Variants in CNTN5 observed in about 807,000 individuals in gnomAD.
CNTN5 encodes contactin-5.
Under a neutral mutation model 129.1 loss-of-function variants are expected in CNTN5, and 77 were observed. The observed-to-expected ratio is 0.60, with a 90% CI of 0.50 to 0.72. The LOEUF (loss-of-function observed/expected upper bound fraction) is 0.72, where lower values mean the gene tolerates loss of function less well. Ranked by LOEUF, CNTN5 falls within the 30% of genes least tolerant of loss-of-function variation. The pLI is 0.00. For missense variants in CNTN5, 1,478 were observed against 1,328.8 expected, an observed-to-expected ratio of 1.11 and a Z score of -1.75; for synonymous variants, 509 against 465.6, an observed-to-expected ratio of 1.09 and a Z score of -1.20.
chr11:99,520,060 G>A (rs770355051), intron 2 of CNTN5, among the ~76,000 whole-genome samples: 13 of 151,974 alleles, frequency 8.6e-5, no homozygotes, highest in Non-Finnish European at 1.8e-4. Flanking sequence ...TTTTTATATA[G>A]CATTTATTTT....
intron 1 of CNTN5, among the ~76,000 whole-genome samples, chr11:99,196,487 T>C (rs888871907): frequency 6.6e-6 from 1 of 152,016 alleles, no homozygotes; most frequent in Non-Finnish European, 1.5e-5. Flanking sequence ...TGAAATTTTG[T>C]CAAAATCATT....
intron 1 of CNTN5, among the ~76,000 whole-genome samples, chr11:99,252,131 A>G (rs1470884678): frequency 6.6e-6 from 1 of 151,890 alleles, no homozygotes; most frequent in Non-Finnish European, 1.5e-5. Flanking sequence ...TACTTTTGTT[A>G]CCTTGCACTT....
intron 9 of CNTN5, among the ~76,000 whole-genome samples, chr11:100,044,839 A>T (rs950718799): frequency 1.3e-5 from 2 of 152,100 alleles, no homozygotes; most frequent in Admixed American, 6.6e-5. Context: ...ACAGGTCCAG[A>T]GACCTGTATT....
chr11:99,908,084 C>T (rs193174018), intron 6 of CNTN5, among the ~76,000 whole-genome samples: 76 of 152,082 alleles, frequency 5.0e-4, no homozygotes, highest in African/African-American at 1.7e-3. Flanking sequence ...GAAAAACTAT[C>T]TTGCTTCAGG....
At chr11:99,210,024 C>T (rs1423681968) in intron 1 of CNTN5, among the ~76,000 whole-genome samples, 4 of 152,106 alleles carry the variant, frequency 2.6e-5, no homozygotes, top group Non-Finnish European at 5.9e-5. Flanking sequence ...AAGCCTATAG[C>T]TCCATAGTCA....
At chr11:99,333,403 T>C (rs1214541157) in intron 2 of CNTN5, among the ~76,000 whole-genome samples, 3 of 152,018 alleles carry the variant, frequency 2.0e-5, no homozygotes, top group Non-Finnish European at 4.4e-5. Context: ...TTCTTTTTGC[T>C]TTATAGAATG....
At chr11:99,567,157 T>C (rs1949031895) in intron 3 of CNTN5, among the ~76,000 whole-genome samples, 2 of 152,156 alleles carry the variant, frequency 1.3e-5, no homozygotes, top group Admixed American at 6.6e-5. Flanking sequence ...TGTTACCTAG[T>C]AGGAGAATAA....
At chr11:100,190,366 A>G (rs1441384847) in intron 13 of CNTN5, among the ~76,000 whole-genome samples, 1 of 152,160 alleles carries the variant, frequency 6.6e-6, no homozygotes, top group East Asian at 1.9e-4. Context: ...GAAAAGGACA[A>G]AAGTACTAAT....
intron 2 of CNTN5, among the ~76,000 whole-genome samples, chr11:99,365,201 C>G (rs547057409): frequency 6.6e-6 from 1 of 152,228 alleles, no homozygotes; most frequent in South Asian, 2.1e-4. Flanking sequence ...AATCTCAATT[C>G]CTTTTCCCAT....
chr11:100,316,760 C>T (rs1221623963), intron 21 of CNTN5, among the ~76,000 whole-genome samples: 1 of 152,118 alleles, frequency 6.6e-6, no homozygotes, highest in Non-Finnish European at 1.5e-5. Flanking sequence ...TCATTCATCC[C>T]TTCTTGTAAG....
chr11:100,049,144 AT>A (rs1942834333), intron 9 of CNTN5, among the ~76,000 whole-genome samples: 1 of 152,152 alleles, frequency 6.6e-6, no homozygotes, highest in Non-Finnish European at 1.5e-5. Flanking sequence ...TTTTTTTAAA[AT>A]ATATGTGTAC....
At chr11:100,213,402 G>A (rs766928500) in intron 15 of CNTN5, among the ~76,000 whole-genome samples, 12 of 152,254 alleles carry the variant, frequency 7.9e-5, no homozygotes, top group Admixed American at 2.0e-4. Flanking sequence ...ACTGGAAGCT[G>A]TATTATACAG....
intron 3 of CNTN5, among the ~76,000 whole-genome samples, chr11:99,797,816 G>A (rs1387081798): frequency 2.6e-5 from 4 of 151,740 alleles, no homozygotes; most frequent in African/African-American, 4.8e-5. Context: ...GTTGGAATAG[G>A]ATTTTTTAAA....
At chr11:99,922,026 A>C (rs947349037) in intron 7 of CNTN5, among the ~76,000 whole-genome samples, 3 of 152,198 alleles carry the variant, frequency 2.0e-5, no homozygotes, top group Non-Finnish European at 4.4e-5. Context: ...AACAGAATAT[A>C]TTAGTCCATT....
intron 3 of CNTN5, among the ~76,000 whole-genome samples, chr11:99,621,200 C>G (rs1050868674): frequency 1.3e-5 from 2 of 151,994 alleles, no homozygotes; most frequent in African/African-American, 4.8e-5. Context: ...AAAGACTACC[C>G]AAAAGCATTG....
chr11:100,163,398 T>G (rs1947522816), intron 13 of CNTN5, among the ~76,000 whole-genome samples: 1 of 151,850 alleles, frequency 6.6e-6, no homozygotes, highest in South Asian at 2.1e-4. Context: ...GTCTAATGAA[T>G]GTTTTGTATA....
intron 1 of CNTN5, among the ~76,000 whole-genome samples, chr11:99,056,457 A>G (rs1864628596): frequency 1.3e-5 from 2 of 152,040 alleles, no homozygotes; most frequent in Non-Finnish European, 2.9e-5. Context: ...AGCCATGTAC[A>G]TATCAATAGA....
At chr11:99,336,837 G>GA (rs1009472992) in intron 2 of CNTN5, among the ~76,000 whole-genome samples, 17 of 147,034 alleles carry the variant, frequency 1.2e-4, no homozygotes, top group South Asian at 2.2e-4. Context: ...CAAAAAAAAA[G>GA]AAAAAAAAAG....
intron 12 of CNTN5, 137 bp from the exon 13 acceptor site, chr11:100,074,007 C>A: frequency 1.4e-6 from 1 of 708,130 alleles, no homozygotes; most frequent in South Asian, 2.3e-5. Flanking sequence ...TGAGCTACTG[C>A]CTTTTTCATG....
Sources: gnomAD v4.1 joint callset for allele counts (sites outside exome capture counted in the v4.1 genomes callset) on GRCh38, gnomAD v4.1.1 for gene constraint, MANE v1.5 for transcripts, NCBI Gene and HGNC (gene_info 2026-07-23, HGNC 2026-07-21) for gene names.